LMTK3: variants seen among roughly 807,000 people sequenced by gnomAD.
LMTK3 encodes the protein lemur tail kinase 3.
A neutral mutation model predicts 116.7 loss-of-function variants in LMTK3; 27 were observed. The ratio of observed to expected loss-of-function variants is 0.23; its 90% CI spans 0.17 to 0.32. The LOEUF is 0.32. Among genes scored for constraint, LMTK3 ranks in the 10% least tolerant of loss-of-function variants. The pLI is 1.00. For missense variants in LMTK3, 1,764 were observed against 2,068.5 expected, an observed-to-expected ratio of 0.85 and a Z score of 2.86; for synonymous variants, 965 against 971.0, an observed-to-expected ratio of 0.99 and a Z score of 0.11.
chr19:48,496,738 A>G (rs1972334752), intron 11 of LMTK3, among the ~76,000 whole-genome samples: 1 of 152,266 alleles, frequency 6.6e-6, no homozygotes, highest in Non-Finnish European at 1.5e-5. Flanking sequence ...CATGAGCCAC[A>G]GAGCCCAGCC....
In LMTK3 at chr19:48,500,422, C is replaced by CAA. The variant is rs530329156; in HGVS notation, c.1152-507_1152-506dup. Among the ~76,000 whole-genome samples the CAA allele has an allele frequency of 7.3e-6, 1 of 137,630 alleles. No individual in the cohort carries two copies. The highest frequency in any genetic ancestry group is 1.6e-5 in the Non-Finnish European group (1 of 64,244). 90.3% of individuals were successfully genotyped at this position (137,630 alleles called of 152,430 possible). ...CTGGGCAACAAAAGCAAAAATCTGC[C>CAA]AAAAAAAAAGAAAGAGAGAGAGGGA... On this transcript the variant is annotated intron_variant, in intron 10 of 14. Coordinates refer to ENST00000600059, the MANE Select transcript of LMTK3 (RefSeq NM_001388485.1). The surrounding 1 kb of genome is among the most constrained non-coding windows in gnomAD (Gnocchi z 4.0).
At position 48,488,738 on chromosome 19, in the gene LMTK3, C is replaced by CTT. The variant is rs35544294; in HGVS notation, c.4366+2368_4366+2369dup. Among the ~76,000 whole-genome samples the CTT allele has an allele frequency of 8.9e-5, 10 of 112,920 alleles. No homozygotes were observed. In the East Asian group the frequency reaches 9.1e-4, roughly 10 times the overall value. 74.1% of individuals were successfully genotyped at this position (112,920 alleles called of 152,430 possible). On this transcript the variant is annotated intron_variant, in intron 14 of 14. Coordinates refer to ENST00000600059, the MANE Select transcript of LMTK3 (RefSeq NM_001388485.1). ...CCTTCCAGTTCCCAGTTAAATTACA[C>CTT]TTTTTTTTTTTTTTTTTTGAGATGG...
chr19:48,487,226 G>A (rs935324415), intron 14 of LMTK3, among the ~76,000 whole-genome samples: 1 of 151,946 alleles, frequency 6.6e-6, no homozygotes, highest in African/African-American at 2.4e-5. Flanking sequence ...GGAGAGATGG[G>A]GTTTCACCAT....
In LMTK3 at chr19:48,499,355, C is replaced by T; in HGVS notation, c.1714G>A (p.Ala572Thr). Residue 572 changes from alanine to threonine, a missense_variant, in exon 11 of 15, where the codon GCC (alanine) becomes ACC (threonine). Ala to Thr is a moderately conservative substitution (Grantham distance 58, BLOSUM62 0). Transcript: ENST00000600059. ...PGVPAPQAPQAPSEVPQLVSE... is the reference protein window; with the variant it reads ...PGVPAPQAPQTPSEVPQLVSE... ...ACCAGCTGGGGGACCTCGGAGGGGG[C>T]CTGGGGGGCCTGAGGGGCGGGCACT... The T allele has an allele frequency of 1.4e-6, 2 of 1,421,764 alleles. No homozygotes were observed. The highest frequency in any genetic ancestry group is 1.5e-5 in the African/African-American group (1 of 68,200). 88.1% of individuals were successfully genotyped at this position (1,421,764 alleles called of 1,614,324 possible). A position where few individuals can be genotyped will look rare whatever the true frequency, so the allele number is the denominator to read the frequency against.
chr19:48,486,900 C>T (rs780602765), intron 14 of LMTK3, among the ~76,000 whole-genome samples: 1 of 152,026 alleles, frequency 6.6e-6, no homozygotes, highest in Non-Finnish European at 1.5e-5. Flanking sequence ...GAGTCTCACT[C>T]TGTTGCCCAG....
chr19:48,498,681 C>G lies in LMTK3; in HGVS notation c.2388G>C (p.Glu796Asp). Residue 796 changes from glutamate to aspartate, a missense_variant, in exon 11 of 15, where the codon GAG becomes GAC. Physicochemically the swap from Glu to Asp is conservative, Grantham distance 45 (BLOSUM62 2). Coordinates refer to ENST00000600059, the MANE Select transcript of LMTK3 (RefSeq NM_001388485.1). The stretch of plus-strand genomic sequence containing the variant: ...CCTCTGGGGAAAAAGGGGTCTCGGT[C>G]TCGTAGCCGCTGTCCCCCGGCTTGG... ...PGPKPGDSGY[E>D]TETPFSPEGA... 6.5e-7 allele frequency: 1 copy of G among 1,536,840 alleles called. No homozygotes were observed. The highest frequency in any genetic ancestry group is 1.4e-5 in the African/African-American group (1 of 72,894).
chr19:48,509,566 T>C lies in LMTK3; in HGVS notation c.362-53A>G, dbSNP rs949983229. The C allele has an allele frequency of 8.3e-6, 12 of 1,445,548 alleles. No homozygotes were observed. In the Admixed American group the frequency reaches 1.7e-4, roughly 21 times the overall value. 89.5% of individuals were successfully genotyped at this position (1,445,548 alleles called of 1,614,324 possible). A position where few individuals can be genotyped will look rare whatever the true frequency, so the allele number is the denominator to read the frequency against. On this transcript the variant is annotated intron_variant, in intron 3 of 14. Coordinates refer to ENST00000600059, the MANE Select transcript of LMTK3 (RefSeq NM_001388485.1). Reference sequence around the variant, plus strand: ...TGAGTCTCTCCCCCTTCCTGAGTGCTACCAACACACCCCAGGTCAGTGGGG... The same window carrying C: ...TGAGTCTCTCCCCCTTCCTGAGTGCCACCAACACACCCCAGGTCAGTGGGG...
chr19:48,504,568 AAGAC>A (rs1213425037), intron 5 of LMTK3, among the ~76,000 whole-genome samples: 1 of 150,312 alleles, frequency 6.7e-6, no homozygotes, highest in Non-Finnish European at 1.5e-5. Context: ...TCTTTTTTTT[AAGAC>A]AGAGTCTTGC....
In LMTK3 at chr19:48,499,166, C is replaced by T. The variant is rs775480750; in HGVS notation, c.1903G>A (p.Ala635Thr). 3.3e-6 allele frequency: 5 copies of T among 1,503,900 alleles called. No homozygotes were observed. Among genetic ancestry groups the T allele is most frequent in the Admixed American group, 2.1e-5 (1 of 47,618 alleles). 93.2% of individuals were successfully genotyped at this position (1,503,900 alleles called of 1,614,324 possible). A position where few individuals can be genotyped will look rare whatever the true frequency, so the allele number is the denominator to read the frequency against. The change falls in exon 11 of 15, where the codon GCC (alanine) becomes ACC (threonine). Residue 635 changes from alanine to threonine, a missense_variant. By Grantham distance (58) the Ala-to-Thr change is moderately conservative. Around this residue, in one of 7 missense-constraint regions of LMTK3, gnomAD observed 1,028 missense variants for 1,050.6 expected, o/e 0.98. Coordinates refer to ENST00000600059, the MANE Select transcript of LMTK3 (RefSeq NM_001388485.1). Reference sequence around the variant, plus strand: ...TCCTCTTCTTCTTCCACCCACGGGGCGGTCCCCCGCTCCCCCAAGACCTCG... The same window carrying T: ...TCCTCTTCTTCTTCCACCCACGGGGTGGTCCCCCGCTCCCCCAAGACCTCG... Reference protein sequence around the residue: ...PAEVLGERGTAPWVEEEEEEE... With the variant: ...PAEVLGERGTTPWVEEEEEEE...
chr19:48,497,136 A>G lies in LMTK3; in HGVS notation c.3676+257T>C, dbSNP rs117217795. Among the ~76,000 whole-genome samples the G allele has an allele frequency of 0.015, 2,332 of 152,246 alleles. 25 individuals are homozygous for G. The highest frequency in any genetic ancestry group is 0.031 in the Middle Eastern group (9 of 294). ...CCTAATTCATTTAACCTTCACAGCA[A>G]CCCTATGACGTAGGTTCTATCCCTG... is the stretch of plus-strand genomic sequence containing the variant. On this transcript the variant is annotated intron_variant, in intron 11 of 14. Transcript: ENST00000600059. The surrounding 1 kb of genome is among the most constrained non-coding windows in gnomAD (Gnocchi z 5.7).
Position 48,497,503 on chromosome 19 carries a change from G to A in LMTK3, c.3566C>T (p.Thr1189Met). Reference protein sequence around the residue: ...GAPDSRAGGDTALSGDGDPPK... With the variant: ...GAPDSRAGGDMALSGDGDPPK... ...GGGGTCCCCGTCTCCGCTGAGTGCCGTGTCTCCGCCGGCCCTGCTGTCTGG... is the reference window on the plus strand; with the variant it reads ...GGGGTCCCCGTCTCCGCTGAGTGCCATGTCTCCGCCGGCCCTGCTGTCTGG... Residue 1189 changes from threonine (T) to methionine (M), a missense_variant, in exon 11 of 15, where the codon ACG (threonine) becomes ATG (methionine). Transcript: ENST00000600059. The surrounding 1 kb of genome is among the most constrained non-coding windows in gnomAD (Gnocchi z 5.7). The A allele has an allele frequency of 6.2e-6, 9 of 1,455,872 alleles. No individual in the cohort carries two copies. Among genetic ancestry groups the A allele is most frequent in the Admixed American group, 2.6e-5 (1 of 38,102 alleles). 90.2% of individuals were successfully genotyped at this position (1,455,872 alleles called of 1,614,324 possible).
intron 3 of LMTK3, 121 bp from the exon 4 acceptor site, chr19:48,509,634 C>T: frequency 1.2e-6 from 1 of 813,968 alleles, no homozygotes; most frequent in Non-Finnish European, 1.9e-6. Context: ...TTGGCTGCCA[C>T]CCACATTCCA....
At chr19:48,502,853 C>T in intron 6 of LMTK3, 56 bp downstream of exon 6, 1 of 1,325,302 alleles carries the variant, frequency 7.5e-7, no homozygotes. Flanking sequence ...CCAGGCTTGG[C>T]CCCGGCCTTG....
In LMTK3 at chr19:48,486,286, C is replaced by T. The variant is rs560898446; in HGVS notation, c.4367-497G>A. On this transcript the variant is annotated intron_variant, in intron 14 of 14. Transcript: ENST00000600059. ...GTTTTAGCCGGGATGGTCTCGACCT[C>T]CTGACCTCGTGATCCACCCGCCTCG... Among the ~76,000 whole-genome samples the T allele has an allele frequency of 2.3e-3, 339 of 150,572 alleles. 1 individual carries two copies. Among genetic ancestry groups the T allele is most frequent in the Non-Finnish European group, 3.6e-3 (241 of 67,788 alleles).
chr19:48,493,825 C>A lies in LMTK3; in HGVS notation c.3961G>T (p.Asp1321Tyr), dbSNP rs771724755. 1.3e-6 allele frequency: 2 copies of A among 1,495,040 alleles called. No individual in the cohort carries two copies. Among genetic ancestry groups the A allele is most frequent in the Non-Finnish European group, 1.8e-6 (2 of 1,122,852 alleles). 92.6% of individuals were successfully genotyped at this position (1,495,040 alleles called of 1,614,324 possible). Residue 1321 changes from aspartate to tyrosine, a missense_variant, in exon 12 of 15, where the codon GAC becomes TAC. Asp to Tyr is a radical substitution (Grantham distance 160). Coordinates refer to ENST00000600059, the MANE Select transcript of LMTK3 (RefSeq NM_001388485.1). The part of the protein sequence containing the change: ...VPVVVSSADA[D>Y]AARPLRGLLK... ...AGCCCCCGCAGCGGGCGGGCCGCGT[C>A]CGCGTCGGCGCTGCTCACCACGACG...
chr19:48,510,633 C>T (rs1187580693), intron 1 of LMTK3, 41 bp from the exon 2 acceptor site: 3 of 1,501,882 alleles, frequency 2.0e-6, no homozygotes, highest in Admixed American at 2.7e-5. Context: ...GCTTCAAGTC[C>T]CTGGATACCG....
chr19:48,508,743 G>A, intron 5 of LMTK3, 108 bp downstream of exon 5: 1 of 885,228 alleles, frequency 1.1e-6, no homozygotes, highest in Non-Finnish European at 1.9e-6. Flanking sequence ...TCCTGCCAGA[G>A]CTGCACAACC....
chr19:48,495,405 G>A (rs1042505569), intron 11 of LMTK3, among the ~76,000 whole-genome samples: 4 of 152,142 alleles, frequency 2.6e-5, no homozygotes, highest in Non-Finnish European at 5.9e-5. Context: ...GGGAAATTTG[G>A]GGTCTTGAAG....
chr19:48,496,315 C>T (rs12461336), intron 11 of LMTK3, among the ~76,000 whole-genome samples: 8,887 of 127,052 alleles, frequency 0.07, 462 homozygotes, highest in African/African-American at 0.16. Flanking sequence ...TTTTTTTTTT[C>T]TGAGACAGAG....
Sources: allele counts gnomAD v4.1 joint callset (sites outside exome capture counted in the v4.1 genomes callset), GRCh38; gene constraint gnomAD v4.1.1; regional missense constraint gnomAD v4.1.1; non-coding constraint Gnocchi (gnomAD v3.1); transcripts MANE v1.5; gene names NCBI Gene and HGNC (gene_info 2026-07-23, HGNC 2026-07-21).